ELP4: variants seen among roughly 807,000 people sequenced by gnomAD.
ELP4 encodes the protein elongator complex protein 4.
A neutral mutation model predicts 48.9 loss-of-function variants in ELP4; 51 were observed. The observed-to-expected ratio is 1.04, with a 90% CI of 0.83 to 1.32. The LOEUF is 1.32. Among genes scored for constraint, ELP4 ranks in the 40% most tolerant of loss-of-function variants. The probability of loss-of-function intolerance (pLI) is 0.00; values close to 1 mark genes in which losing one functional copy is unlikely to be tolerated. For missense variants in ELP4, 519 were observed against 514.6 expected (o/e 1.01, Z -0.08); for synonymous variants, 210 against 189.2 (o/e 1.11, Z -0.90).
intron 3 of ELP4, among the ~76,000 whole-genome samples, chr11:31,577,330 A>T (rs2133965804): frequency 6.6e-6 from 1 of 152,340 alleles, no homozygotes; most frequent in South Asian, 2.1e-4. Context: ...GACCCGATGG[A>T]TTAACAGCCA....
At chr11:31,573,764 T>A (rs1957223131) in intron 3 of ELP4, 1 of 150,774 alleles carries the variant, frequency 6.6e-6, no homozygotes, top group Non-Finnish European at 1.5e-5. Flanking sequence ...ACATTGAGTA[T>A]TTATCTCTTT....
intron 9 of ELP4, among the ~76,000 whole-genome samples, chr11:31,692,788 C>T (rs140004426): frequency 6.6e-6 from 1 of 152,242 alleles, no homozygotes; most frequent in African/African-American, 2.4e-5. Context: ...GTGGTCTCAG[C>T]CAGGCTAACT....
chr11:31,641,896 T>C (rs1424455930), intron 7 of ELP4, among the ~76,000 whole-genome samples: 1 of 151,958 alleles, frequency 6.6e-6, no homozygotes, highest in African/African-American at 2.4e-5. Flanking sequence ...ATTTGGATAT[T>C]AGCAATTGTT....
chr11:31,598,338 A>T lies in ELP4; in HGVS notation c.513+3437A>T, dbSNP rs1957714158. Reference sequence around the variant, plus strand: ...TTTCTCTAAAAATACATTGTTTTTTATAAATTCGAATCATAGATACTATCC... The same window carrying T: ...TTTCTCTAAAAATACATTGTTTTTTTTAAATTCGAATCATAGATACTATCC... On this transcript the variant is annotated intron_variant, in intron 4 of 9. Coordinates refer to ENST00000640961, the MANE Select transcript of ELP4 (RefSeq NM_019040.5). 2.0e-5 allele frequency among the ~76,000 whole-genome samples: 3 copies of T among 152,040 alleles called. No individual in the cohort carries two copies. In the South Asian group the frequency reaches 6.2e-4, roughly 31 times the overall value.
intron 9 of ELP4, among the ~76,000 whole-genome samples, chr11:31,738,556 C>CA (rs1349428330): frequency 6.6e-6 from 1 of 151,928 alleles, no homozygotes; most frequent in Non-Finnish European, 1.5e-5. Flanking sequence ...GGCAACATGG[C>CA]AAAACCCCAT....
At chr11:31,606,959 C>G (rs1210114401) in intron 5 of ELP4, among the ~76,000 whole-genome samples, 3 of 152,082 alleles carry the variant, frequency 2.0e-5, no homozygotes, top group Admixed American at 1.3e-4. Context: ...GAGATGGGGC[C>G]TTTGGGAAGT....
At chr11:31,564,873 A>G (rs1308161876) in intron 3 of ELP4, among the ~76,000 whole-genome samples, 2 of 152,174 alleles carry the variant, frequency 1.3e-5, no homozygotes, top group African/African-American at 4.8e-5. Flanking sequence ...ATGATTTATA[A>G]TCCTTTGGGT....
Position 31,721,179 on chromosome 11 carries a change from C to T in ELP4, c.1144-62214C>T, listed in dbSNP as rs537559167. On this transcript the variant is annotated intron_variant, in intron 9 of 9. Coordinates refer to ENST00000640961, the MANE Select transcript of ELP4 (RefSeq NM_019040.5). ...TGAATGCCATCCCTGGAAAGATGTA[C>T]TTTTGAGCTAGTATGAAGTCAATGA... Among the ~76,000 whole-genome samples, 10 of 152,238 alleles carry T rather than the reference C, an allele frequency of 6.6e-5. No individual in the cohort carries two copies. The East Asian group carries it at 1.5e-3, about 24-fold the overall frequency.
intron 7 of ELP4, among the ~76,000 whole-genome samples, chr11:31,644,926 C>G (rs1329123788): frequency 6.6e-6 from 1 of 151,650 alleles, no homozygotes; most frequent in East Asian, 1.9e-4. Flanking sequence ...AGATGTTATT[C>G]TTATGTAATT....
At chr11:31,720,819 C>G (rs1946944572) in intron 9 of ELP4, among the ~76,000 whole-genome samples, 1 of 152,136 alleles carries the variant, frequency 6.6e-6, no homozygotes, top group African/African-American at 2.4e-5. Context: ...AGCAGATTCG[C>G]ACTGCAAGAT....
intron 2 of ELP4, among the ~76,000 whole-genome samples, chr11:31,532,018 T>G (rs998670569): frequency 1.3e-5 from 2 of 152,192 alleles, no homozygotes; most frequent in Non-Finnish European, 2.9e-5. Context: ...CCATAGTAGC[T>G]AACATTTATT....
At chr11:31,597,016 G>A (rs1382426820) in intron 4 of ELP4, among the ~76,000 whole-genome samples, 8 of 152,042 alleles carry the variant, frequency 5.3e-5, no homozygotes, top group Non-Finnish European at 8.8e-5. Context: ...GCTAGGATGG[G>A]GGAAGCTGAT....
At chr11:31,773,830 C>G (rs1045969612) in intron 9 of ELP4, among the ~76,000 whole-genome samples, 2 of 152,148 alleles carry the variant, frequency 1.3e-5, no homozygotes, top group African/African-American at 4.8e-5. Context: ...CAAGATACTT[C>G]CTGATGGATG....
rs10534524 is a variant in ELP4, at chr11:31,658,361, T to TTA, written c.1143+8154_1143+8155dup. ...CTCCCTTATATAACATGATGTTATT[T>TTA]TATATATATATATATTCATATGTAT... On this transcript the variant is annotated intron_variant, in intron 9 of 9. Coordinates refer to ENST00000640961, the MANE Select transcript of ELP4 (RefSeq NM_019040.5). Among the ~76,000 whole-genome samples, 154 of 149,978 alleles carry TTA rather than the reference T, an allele frequency of 1.0e-3. 2 individuals carry two copies. Among genetic ancestry groups the TTA allele is most frequent in the African/African-American group, 3.3e-3 (136 of 40,948 alleles).
intron 9 of ELP4, among the ~76,000 whole-genome samples, chr11:31,731,596 G>GTA (rs977858288): frequency 6.6e-6 from 1 of 151,536 alleles, no homozygotes; most frequent in Non-Finnish European, 1.5e-5. Context: ...GTGTGTGTGT[G>GTA]TGTGTAGTCT....
chr11:31,752,760 G>A (rs572593042), intron 9 of ELP4, among the ~76,000 whole-genome samples: 1 of 151,916 alleles, frequency 6.6e-6, no homozygotes, highest in Admixed American at 6.6e-5. Context: ...CATGAACCCG[G>A]GGGGCGGAGC....
At chr11:31,741,981 G>A (rs1947464063) in intron 9 of ELP4, among the ~76,000 whole-genome samples, 2 of 152,072 alleles carry the variant, frequency 1.3e-5, no homozygotes, top group Admixed American at 1.3e-4. Context: ...CAATGGCAAA[G>A]AAGTTAAAAG....
intron 7 of ELP4, among the ~76,000 whole-genome samples, chr11:31,638,533 T>A (rs1174409144): frequency 1.3e-5 from 2 of 151,850 alleles, no homozygotes; most frequent in Non-Finnish European, 2.9e-5. Flanking sequence ...CCAAGGAAAA[T>A]TCATTTTCTG....
At chr11:31,623,365 ATATATATATAT>A (rs1944663326) in intron 5 of ELP4, among the ~76,000 whole-genome samples, 1 of 95,804 alleles carries the variant, frequency 1.0e-5, no homozygotes, top group African/African-American at 4.3e-5. Context: ...ATATATATAT[ATATATATATAT>A]ATATATATAT....
Sources: allele counts gnomAD v4.1 joint callset (sites outside exome capture counted in the v4.1 genomes callset), GRCh38; gene constraint gnomAD v4.1.1; transcripts MANE v1.5; gene names NCBI Gene and HGNC (gene_info 2026-07-23, HGNC 2026-07-21).